Variants in CACNA2D3 observed in about 807,000 individuals in gnomAD.
The protein encoded by CACNA2D3 is calcium voltage-gated channel auxiliary subunit alpha2delta 3.
In CACNA2D3, 60 loss-of-function variants were observed where a neutral mutation model predicts 160.6. The observed-to-expected ratio is 0.37, with a 90% CI of 0.30 to 0.46. The LOEUF is 0.46. Ranked by LOEUF, CACNA2D3 falls within the 20% of genes least tolerant of loss-of-function variation. The pLI is 1.00. For synonymous variants in CACNA2D3, 558 were observed against 492.9 expected (o/e 1.13, Z -1.75); for missense variants, 1,205 against 1,365.0 (o/e 0.88, Z 1.85).
chr3:54,910,567 C>T (rs76972984), intron 27 of CACNA2D3, among the ~76,000 whole-genome samples: 2,039 of 152,268 alleles, frequency 0.013, 53 homozygotes, highest in African/African-American at 0.046. Context: ...TCCTAGGTCT[C>T]GTTTGCTGAT....
intron 10 of CACNA2D3, among the ~76,000 whole-genome samples, chr3:54,634,761 A>C (rs868099558): frequency 1.3e-5 from 2 of 152,188 alleles, no homozygotes; most frequent in African/African-American, 4.8e-5. Context: ...TAATGTCATC[A>C]GTTAAGGCAA....
intron 11 of CACNA2D3, among the ~76,000 whole-genome samples, chr3:54,736,370 C>T (rs1701532700): frequency 6.6e-6 from 1 of 151,800 alleles, no homozygotes; most frequent in Non-Finnish European, 1.5e-5. Context: ...GTGAACAGTA[C>T]TGCAACATAA....
At chr3:54,474,638 G>C (rs978726351) in intron 4 of CACNA2D3, among the ~76,000 whole-genome samples, 1 of 151,664 alleles carries the variant, frequency 6.6e-6, no homozygotes, top group Non-Finnish European at 1.5e-5. Context: ...CATTAAAAAA[G>C]GAAGAAGGAA....
At chr3:54,124,604 A>G (rs148170534) in intron 2 of CACNA2D3, among the ~76,000 whole-genome samples, 1 of 152,326 alleles carries the variant, frequency 6.6e-6, no homozygotes, top group African/African-American at 2.4e-5. Flanking sequence ...GTAACCAAGT[A>G]CGTATTTTAT....
At position 54,237,736 on chromosome 3, in the gene CACNA2D3, C is replaced by T. The variant is rs111979530; in HGVS notation, c.205-82706C>T. 4.6e-5 allele frequency among the ~76,000 whole-genome samples: 7 copies of T among 152,298 alleles called. 1 individual carries two copies. Among genetic ancestry groups the T allele is most frequent in the African/African-American group, 1.7e-4 (7 of 41,558 alleles). On this transcript the variant is annotated intron_variant, in intron 2 of 37. Transcript: ENST00000474759. ...CTTCTGTTGTCAGCATGGGCTGCAC[C>T]TAAGCATGCTGACTCTGGCTCAGTT...
At chr3:54,942,547 G>T (rs1412397574) in intron 27 of CACNA2D3, among the ~76,000 whole-genome samples, 1 of 152,136 alleles carries the variant, frequency 6.6e-6, no homozygotes, top group African/African-American at 2.4e-5. Context: ...AGTAATATAT[G>T]AATGCAGTTT....
chr3:54,620,434 G>A (rs1698959576), intron 9 of CACNA2D3, among the ~76,000 whole-genome samples: 1 of 152,214 alleles, frequency 6.6e-6, no homozygotes, highest in Non-Finnish European at 1.5e-5. Context: ...CGTGTGAACA[G>A]GGCAGCAAGG....
intron 14 of CACNA2D3, among the ~76,000 whole-genome samples, chr3:54,824,008 T>G (rs1400894509): frequency 6.6e-6 from 1 of 152,230 alleles, no homozygotes; most frequent in Non-Finnish European, 1.5e-5. Flanking sequence ...AATAGTCTGC[T>G]AAGCCCAACT....
chr3:54,259,087 AG>A (rs1702355883), intron 2 of CACNA2D3, among the ~76,000 whole-genome samples: 1 of 152,248 alleles, frequency 6.6e-6, no homozygotes. Flanking sequence ...CAATGTGGGC[AG>A]GGGCCCAGGC....
intron 2 of CACNA2D3, among the ~76,000 whole-genome samples, chr3:54,255,065 C>T (rs551309474): frequency 3.2e-4 from 48 of 152,278 alleles, no homozygotes; most frequent in Middle Eastern, 6.8e-3. Flanking sequence ...AACATTTCCC[C>T]TGTGGAATGG....
chr3:54,507,220 A>G (rs772311039), intron 5 of CACNA2D3, among the ~76,000 whole-genome samples: 26 of 152,100 alleles, frequency 1.7e-4, no homozygotes, highest in East Asian at 3.9e-4. Flanking sequence ...TTTTTCTTCC[A>G]TTGTAGTGTA....
At chr3:54,913,754 C>G (rs1209070280) in intron 27 of CACNA2D3, among the ~76,000 whole-genome samples, 1 of 152,058 alleles carries the variant, frequency 6.6e-6, no homozygotes, top group Non-Finnish European at 1.5e-5. Flanking sequence ...CTGAAAAGTG[C>G]CTGGGTGTTG....
intron 11 of CACNA2D3, among the ~76,000 whole-genome samples, chr3:54,731,191 T>G (rs1375779012): frequency 1.3e-5 from 2 of 152,182 alleles, no homozygotes; most frequent in Non-Finnish European, 2.9e-5. Flanking sequence ...CATCTGTATG[T>G]ACATACTTTT....
chr3:54,764,231 G>T lies in CACNA2D3; in HGVS notation c.1260G>T (p.Gln420His). ...MACANKGFFT[Q>H]ISTLADVQEN... ...GGGTTTTGACAGGATTTTTTACCCA[G>T]ATCTCCACCTTGGCTGATGTGCAGG... Residue 420 changes from glutamine to histidine, a missense_variant, in exon 13 of 38, where the codon CAG becomes CAT. By Grantham distance (24) the Gln-to-His change is conservative. Around this residue, in one of 3 missense-constraint regions of CACNA2D3, gnomAD observed 911 missense variants for 1,002.2 expected, o/e 0.91. Transcript: ENST00000474759. 6.2e-7 allele frequency: 1 copy of T among 1,613,286 alleles called. No individual in the cohort carries two copies. The highest frequency in any genetic ancestry group is 8.5e-7 in the Non-Finnish European group (1 of 1,179,640).
At chr3:54,256,913 A>G (rs1575348604) in intron 2 of CACNA2D3, among the ~76,000 whole-genome samples, 1 of 152,184 alleles carries the variant, frequency 6.6e-6, no homozygotes, top group Non-Finnish European at 1.5e-5. Flanking sequence ...AGTTTTCCAC[A>G]TTATTTGTCG....
At chr3:54,605,796 T>C (rs1698596798) in intron 9 of CACNA2D3, among the ~76,000 whole-genome samples, 1 of 152,118 alleles carries the variant, frequency 6.6e-6, no homozygotes, top group Admixed American at 6.5e-5. Flanking sequence ...GATAAGTGAG[T>C]TTGTACTAAA....
intron 2 of CACNA2D3, among the ~76,000 whole-genome samples, chr3:54,308,542 G>A (rs1195374247): frequency 6.6e-6 from 1 of 152,150 alleles, no homozygotes; most frequent in Non-Finnish European, 1.5e-5. Context: ...GCTACCTGAT[G>A]AAAAGAACTT....
chr3:54,436,366 G>A (rs950244114), intron 4 of CACNA2D3, among the ~76,000 whole-genome samples: 3 of 152,230 alleles, frequency 2.0e-5, no homozygotes, highest in Admixed American at 2.0e-4. Flanking sequence ...GGAAGACAGT[G>A]TGGTTATTCC....
At chr3:54,853,161 G>A (rs115956022) in intron 17 of CACNA2D3, among the ~76,000 whole-genome samples, 2,126 of 151,410 alleles carry the variant, frequency 0.014, 57 homozygotes, top group African/African-American at 0.048. Flanking sequence ...GCATCGCTGC[G>A]CCCACCCAGA....
Sources: gnomAD v4.1 joint callset for allele counts (sites outside exome capture counted in the v4.1 genomes callset) on GRCh38, gnomAD v4.1.1 for gene constraint, gnomAD v4.1.1 regional missense constraint, MANE v1.5 for transcripts, NCBI Gene and HGNC (gene_info 2026-07-23, HGNC 2026-07-21) for gene names.